Variants in MMD2 observed in about 807,000 individuals in gnomAD.
The protein encoded by MMD2 is monocyte to macrophage differentiation factor 2.
MMD2 carries 30 observed loss-of-function variants against 33.5 expected under a neutral mutation model. The observed-to-expected ratio is 0.90, with a 90% CI of 0.67 to 1.22. The LOEUF is 1.22. MMD2 is among the 50% of genes most tolerant of loss of function. MMD2 has a pLI of 0.00. For synonymous variants in MMD2, 129 were observed against 123.0 expected, an observed-to-expected ratio of 1.05 and a Z score of -0.32; for missense variants, 364 against 325.4, an observed-to-expected ratio of 1.12 and a Z score of -0.91.
chr7:4,953,761 G>A (rs57293471), intron 1 of MMD2, among the ~76,000 whole-genome samples: 3,743 of 152,174 alleles, frequency 0.025, 153 homozygotes, highest in African/African-American at 0.086. Flanking sequence ...GTGAGCCACC[G>A]CACCCAGCCT....
chr7:4,902,308 T>A (rs944205575), downstream of MMD2, among the ~76,000 whole-genome samples: 71 of 152,166 alleles, frequency 4.7e-4, no homozygotes, highest in African/African-American at 1.7e-3. Context: ...GGCAAAAGAT[T>A]TGGAGGCAGT....
rs201896171 is a variant in MMD2 at position 4,925,227 on chromosome 7, G to A, written c.129+224C>T. Among the ~76,000 whole-genome samples the A allele has an allele frequency of 5.3e-5, 8 of 152,218 alleles. No homozygotes were observed. In the South Asian group the frequency reaches 8.3e-4, roughly 16 times the overall value. Reference sequence around the variant, plus strand: ...ATTATAGGCATGAGCCACCATGCTCGGCCCCATCGAAGGTTCTTAGAGCAA... The same window carrying A: ...ATTATAGGCATGAGCCACCATGCTCAGCCCCATCGAAGGTTCTTAGAGCAA... On this transcript the variant is annotated intron_variant, in intron 2 of 6. Transcript: ENST00000401401.
At chr7:4,898,226 A>G in the MMD2 span, among the ~76,000 whole-genome samples, 1 of 152,172 alleles carries the variant, frequency 6.6e-6, no homozygotes, top group African/African-American at 2.4e-5. Context: ...CTGGGTAACC[A>G]GATTCTTGGA....
intron 1 of MMD2, among the ~76,000 whole-genome samples, chr7:4,942,468 A>G (rs1321226147): frequency 2.0e-5 from 3 of 149,912 alleles, no homozygotes; most frequent in Admixed American, 6.7e-5. Flanking sequence ...GAGCCTCACT[A>G]TGTTGCCCAG....
chr7:4,898,668 G>A, the MMD2 span, among the ~76,000 whole-genome samples: 1 of 152,202 alleles, frequency 6.6e-6, no homozygotes, highest in Admixed American at 6.5e-5. Context: ...AGGTGGCCAA[G>A]GTGGGCAGAT....
At chr7:4,909,060 CA>C (rs1263096901) in intron 6 of MMD2, among the ~76,000 whole-genome samples, 2 of 150,460 alleles carry the variant, frequency 1.3e-5, no homozygotes, top group East Asian at 3.9e-4. Flanking sequence ...GCATGGCAAA[CA>C]AAAAAAAGTA....
At chr7:4,945,185 T>TTTCTTCTTCTTCTTCTTCTTCTTC (rs778065489) in intron 1 of MMD2, among the ~76,000 whole-genome samples, 5,272 of 93,436 alleles carry the variant, frequency 0.056, 520 homozygotes, top group East Asian at 0.075. Flanking sequence ...CCTCTTCCTC[T>TTTCTTCTTCTTCTTCTTCTTCTTC]TTCTTCTTCT....
At chr7:4,955,007 C>T (rs1479295608) in intron 1 of MMD2, among the ~76,000 whole-genome samples, 1 of 152,168 alleles carries the variant, frequency 6.6e-6, no homozygotes, top group Non-Finnish European at 1.5e-5. Context: ...GCAACACCAT[C>T]TTTGGTAAAA....
At chr7:4,943,279 G>C (rs559074207) in intron 1 of MMD2, among the ~76,000 whole-genome samples, 2 of 152,096 alleles carry the variant, frequency 1.3e-5, no homozygotes, top group East Asian at 3.9e-4. Flanking sequence ...AAAGTACTGG[G>C]ATTACAGGCA....
intron 1 of MMD2, among the ~76,000 whole-genome samples, chr7:4,949,443 T>A (rs1359667265): frequency 2.0e-5 from 3 of 152,118 alleles, no homozygotes; most frequent in Non-Finnish European, 1.5e-5. Flanking sequence ...TGTTTGTCTT[T>A]CTGTGCCTGG....
chr7:4,922,409 A>C (rs1785311672), intron 2 of MMD2, among the ~76,000 whole-genome samples: 2 of 152,054 alleles, frequency 1.3e-5, no homozygotes, highest in Non-Finnish European at 2.9e-5. Context: ...ATCTCTACTA[A>C]AAATACAAAA....
chr7:4,957,428 C>G (rs1370014954), intron 1 of MMD2, among the ~76,000 whole-genome samples: 1 of 151,440 alleles, frequency 6.6e-6, no homozygotes, highest in Non-Finnish European at 1.5e-5. Flanking sequence ...GCGGGGGGAT[C>G]ACGACGTCAA....
chr7:4,923,375 A>G (rs1474867445), intron 2 of MMD2, among the ~76,000 whole-genome samples: 1 of 152,168 alleles, frequency 6.6e-6, no homozygotes, highest in East Asian at 1.9e-4. Context: ...AAGTGCTGGG[A>G]TTACAGGTGT....
intron 3 of MMD2, among the ~76,000 whole-genome samples, chr7:4,918,677 A>G (rs1258347909): frequency 6.6e-6 from 1 of 151,776 alleles, no homozygotes; most frequent in East Asian, 1.9e-4. Flanking sequence ...TAGGAGAGAC[A>G]GGGTTTCACC....
chr7:4,919,654 G>C (rs1761889842), intron 3 of MMD2, among the ~76,000 whole-genome samples: 1 of 152,054 alleles, frequency 6.6e-6, no homozygotes, highest in Non-Finnish European at 1.5e-5. Context: ...GGGAGGCCGA[G>C]GTGGGTGGAC....
intron 1 of MMD2, among the ~76,000 whole-genome samples, chr7:4,937,994 C>CTTTTTT: frequency 1.4e-5 from 1 of 71,388 alleles, no homozygotes; most frequent in Non-Finnish European, 2.8e-5. Flanking sequence ...TTCTTTTTTT[C>CTTTTTT]TTTCTTTCTT....
chr7:4,910,479 A>G (rs1386806625), intron 5 of MMD2, among the ~76,000 whole-genome samples: 1 of 151,956 alleles, frequency 6.6e-6, no homozygotes. Flanking sequence ...TTCCATCCCC[A>G]TCACTCGAAA....
chr7:4,892,727 G>GT, the MMD2 span, among the ~76,000 whole-genome samples: 1 of 151,682 alleles, frequency 6.6e-6, no homozygotes, highest in African/African-American at 2.4e-5. Flanking sequence ...TTTCTCTTTT[G>GT]TTTTTTGAGA....
intron 1 of MMD2, among the ~76,000 whole-genome samples, chr7:4,942,827 G>A (rs1369615409): frequency 6.6e-6 from 1 of 151,458 alleles, no homozygotes; most frequent in Admixed American, 6.6e-5. Flanking sequence ...ATGTTAGTCA[G>A]GCTGGTCTTG....
Sources: allele counts gnomAD v4.1 joint callset (sites outside exome capture counted in the v4.1 genomes callset), GRCh38; gene constraint gnomAD v4.1.1; transcripts MANE v1.5; gene names NCBI Gene and HGNC (gene_info 2026-07-23, HGNC 2026-07-21).